The following ATRNL1 variants were observed in gnomAD, a reference collection of about 807,000 sequenced individuals.
ATRNL1 encodes attractin-like protein 1.
In ATRNL1, 95 loss-of-function variants were observed where a neutral mutation model predicts 182.7. That is an observed-to-expected ratio of 0.52 (90% CI 0.44 to 0.62). ATRNL1 has a LOEUF of 0.62. Among genes scored for constraint, ATRNL1 ranks in the 20% least tolerant of loss-of-function variants. The probability of loss-of-function intolerance (pLI) is 0.00; values close to 1 mark genes in which losing one functional copy is unlikely to be tolerated. For missense variants in ATRNL1, 1,471 were observed against 1,679.5 expected (o/e 0.88, Z 2.17); for synonymous variants, 576 against 568.3 (o/e 1.01, Z -0.19).
chr10:115,263,669 T>C (rs1426641298), intron 10 of ATRNL1, among the ~76,000 whole-genome samples: 4 of 151,808 alleles, frequency 2.6e-5, no homozygotes, highest in African/African-American at 9.7e-5. Context: ...CAGTTTATAC[T>C]TTATATAATT....
chr10:115,813,333 G>A (rs1189715196), intron 27 of ATRNL1, among the ~76,000 whole-genome samples: 1 of 152,126 alleles, frequency 6.6e-6, no homozygotes, highest in Non-Finnish European at 1.5e-5. Flanking sequence ...CTATAATGTT[G>A]CATTTTTGTT....
Position 115,586,790 on chromosome 10 carries a change from C to T in ATRNL1, c.3795+37254C>T, listed in dbSNP as rs1397556040. On this transcript the variant is annotated intron_variant, in intron 26 of 28. Transcript: ENST00000355044. ...TTCTCCGTCCAGCTTTGTTCCATTG[C>T]TGGTGAGGAACTGCATTCCTTTGGA... 6.1e-5 allele frequency among the ~76,000 whole-genome samples: 7 copies of T among 114,588 alleles called. 2 individuals are homozygous for T. Among genetic ancestry groups the T allele is most frequent in the African/African-American group, 1.9e-4 (7 of 36,778 alleles). 75.2% of individuals were successfully genotyped at this position (114,588 alleles called of 152,430 possible).
At chr10:115,905,849 TAA>T (rs1451257113) in intron 28 of ATRNL1, among the ~76,000 whole-genome samples, 3 of 152,192 alleles carry the variant, frequency 2.0e-5, no homozygotes, top group African/African-American at 7.2e-5. Context: ...AGGGACTTGA[TAA>T]ATAATTGTTT....
Position 115,866,255 on chromosome 10 carries a change from T to A in ATRNL1, c.4018+18264T>A, listed in dbSNP as rs544792253. On this transcript the variant is annotated intron_variant, in intron 28 of 28. Coordinates refer to ENST00000355044, the MANE Select transcript of ATRNL1 (RefSeq NM_207303.4). ...AATTATGTTGACACGAACATGGTGT[T>A]CTGAACAATTATAAGGAGTGGGGCT... Among the ~76,000 whole-genome samples the A allele has an allele frequency of 1.2e-4, 19 of 152,272 alleles. 1 individual carries two copies. The South Asian group carries it at 3.9e-3, about 32-fold the overall frequency.
intron 8 of ATRNL1, among the ~76,000 whole-genome samples, chr10:115,196,225 T>C (rs1848354591): frequency 6.6e-6 from 1 of 152,150 alleles, no homozygotes; most frequent in Non-Finnish European, 1.5e-5. Flanking sequence ...TCCATTGAAT[T>C]ACCATGGTAT....
At chr10:115,867,575 C>T (rs1555105005) in intron 28 of ATRNL1, among the ~76,000 whole-genome samples, 1 of 152,116 alleles carries the variant, frequency 6.6e-6, no homozygotes, top group East Asian at 1.9e-4. Flanking sequence ...ATAACAGGAT[C>T]AGACAACTAG....
At chr10:115,256,062 CA>C (rs1298442264) in intron 10 of ATRNL1, among the ~76,000 whole-genome samples, 1 of 152,226 alleles carries the variant, frequency 6.6e-6, no homozygotes, top group Non-Finnish European at 1.5e-5. Flanking sequence ...AGGATTTTCA[CA>C]TCGATGTTCA....
At chr10:115,328,237 A>T (rs1855022124) in intron 18 of ATRNL1, among the ~76,000 whole-genome samples, 1 of 152,200 alleles carries the variant, frequency 6.6e-6, no homozygotes, top group African/African-American at 2.4e-5. Flanking sequence ...CTTTAGTAAG[A>T]TACCCATCAG....
intron 26 of ATRNL1, among the ~76,000 whole-genome samples, chr10:115,550,661 A>C (rs2784807): frequency 0.028 from 4,206 of 151,962 alleles, 225 homozygotes; most frequent in African/African-American, 0.097. Context: ...ATCCCATGGA[A>C]AAAGAGCTTA....
chr10:115,795,894 A>G (rs1949643130), intron 27 of ATRNL1, among the ~76,000 whole-genome samples: 1 of 152,060 alleles, frequency 6.6e-6, no homozygotes, highest in Non-Finnish European at 1.5e-5. Context: ...AAACCATATC[A>G]TCCCCCATTC....
At chr10:115,906,095 A>G (rs1251706891) in intron 28 of ATRNL1, among the ~76,000 whole-genome samples, 2 of 152,232 alleles carry the variant, frequency 1.3e-5, no homozygotes, top group African/African-American at 4.8e-5. Context: ...TCCAAATTCT[A>G]TGTTAATCAC....
chr10:115,733,237 G>A (rs1216232754), intron 27 of ATRNL1, among the ~76,000 whole-genome samples: 1 of 151,998 alleles, frequency 6.6e-6, no homozygotes, highest in African/African-American at 2.4e-5. Flanking sequence ...AGTATTCTCT[G>A]TATATATTTT....
chr10:115,281,755 GA>G (rs2133926147), intron 14 of ATRNL1, among the ~76,000 whole-genome samples: 1 of 151,392 alleles, frequency 6.6e-6, no homozygotes, highest in East Asian at 1.9e-4. Context: ...TAAAAATGTA[GA>G]AAATAATAAG....
chr10:115,639,203 C>G (rs149264821), intron 26 of ATRNL1, among the ~76,000 whole-genome samples: 1 of 152,272 alleles, frequency 6.6e-6, no homozygotes, highest in Non-Finnish European at 1.5e-5. Context: ...GCAAATTTCT[C>G]TTTTTAAACT....
At chr10:115,388,419 T>A (rs1554953241) in intron 19 of ATRNL1, among the ~76,000 whole-genome samples, 1 of 152,162 alleles carries the variant, frequency 6.6e-6, no homozygotes, top group African/African-American at 2.4e-5. Context: ...GTTTAAGTTT[T>A]ATTTTAATTT....
chr10:115,613,980 C>T (rs573937759), intron 26 of ATRNL1, among the ~76,000 whole-genome samples: 11 of 151,656 alleles, frequency 7.3e-5, no homozygotes, highest in Non-Finnish European at 1.6e-4. Context: ...TTTTGTTTTG[C>T]TGATCTTGTA....
At chr10:115,324,041 T>G (rs925089310) in intron 18 of ATRNL1, among the ~76,000 whole-genome samples, 6 of 152,176 alleles carry the variant, frequency 3.9e-5, no homozygotes, top group Non-Finnish European at 8.8e-5. Context: ...CCTCCCAAAG[T>G]GCTGGGATTA....
At chr10:115,906,194 T>C (rs913873423) in intron 28 of ATRNL1, among the ~76,000 whole-genome samples, 5 of 152,194 alleles carry the variant, frequency 3.3e-5, no homozygotes, top group Admixed American at 6.5e-5. Flanking sequence ...TTATAACTTA[T>C]ATTTACCCTA....
intron 8 of ATRNL1, among the ~76,000 whole-genome samples, chr10:115,207,249 T>C (rs1440564642): frequency 1.3e-5 from 2 of 152,180 alleles, no homozygotes; most frequent in Non-Finnish European, 2.9e-5. Context: ...TTCTAGATCC[T>C]TGAGGAATCA....
Sources: gnomAD v4.1 joint callset for allele counts (sites outside exome capture counted in the v4.1 genomes callset) on GRCh38, gnomAD v4.1.1 for gene constraint, MANE v1.5 for transcripts, NCBI Gene and HGNC (gene_info 2026-07-23, HGNC 2026-07-21) for gene names.